TSNARE1: variants seen among roughly 807,000 people sequenced by gnomAD.
TSNARE1 encodes the protein t-SNARE domain-containing protein 1.
In TSNARE1, 49 loss-of-function variants were observed where a neutral mutation model predicts 62.0. That is an observed-to-expected ratio of 0.79 (90% confidence interval 0.63 to 1.00). TSNARE1 has a LOEUF of 1.00. Among genes scored for constraint, TSNARE1 ranks in the 50% least tolerant of loss-of-function variants. The pLI is 0.00. For synonymous variants in TSNARE1, 328 were observed against 294.4 expected (o/e 1.11, Z -1.17); for missense variants, 755 against 700.1 (o/e 1.08, Z -0.88).
intron 4 of TSNARE1, among the ~76,000 whole-genome samples, chr8:142,335,984 A>C (rs1255656110): frequency 6.6e-6 from 1 of 152,174 alleles, no homozygotes; most frequent in Non-Finnish European, 1.5e-5. Context: ...CTCCGATGAG[A>C]GTAAAAGCAA....
intron 12 of TSNARE1, among the ~76,000 whole-genome samples, chr8:142,251,653 G>A (rs1818168293): frequency 6.6e-6 from 1 of 152,114 alleles, no homozygotes; most frequent in East Asian, 1.9e-4. Flanking sequence ...TTCACTGAGT[G>A]CCTCTTGCCA....
At chr8:142,361,139 C>T (rs544778476) in intron 1 of TSNARE1, among the ~76,000 whole-genome samples, 2 of 152,382 alleles carry the variant, frequency 1.3e-5, no homozygotes, top group African/African-American at 4.8e-5. Context: ...AAATGGACAG[C>T]AGTCCCTCCC....
chr8:142,318,119 T>C (rs890444857), intron 7 of TSNARE1, among the ~76,000 whole-genome samples: 2 of 151,674 alleles, frequency 1.3e-5, no homozygotes, highest in Non-Finnish European at 2.9e-5. Context: ...GGCGCCAAGG[T>C]AGGTGAGGGG....
chr8:142,233,028 C>T (rs961376325), intron 12 of TSNARE1, among the ~76,000 whole-genome samples: 1 of 152,210 alleles, frequency 6.6e-6, no homozygotes, highest in African/African-American at 2.4e-5. Flanking sequence ...AGACAGCCAC[C>T]CTGCAGATGA....
At chr8:142,365,021 A>C (rs1020479790) in intron 1 of TSNARE1, among the ~76,000 whole-genome samples, 1 of 152,258 alleles carries the variant, frequency 6.6e-6, no homozygotes, top group Non-Finnish European at 1.5e-5. Context: ...ATAATTGCAA[A>C]GGATCTTCCC....
intron 1 of TSNARE1, among the ~76,000 whole-genome samples, chr8:142,396,693 T>A (rs1276542882): frequency 1.3e-5 from 2 of 152,170 alleles, no homozygotes; most frequent in Non-Finnish European, 2.9e-5. Context: ...CTGATCAGAA[T>A]CCTGGTGAGA....
At chr8:142,280,560 G>A (rs1020576864) in intron 11 of TSNARE1, among the ~76,000 whole-genome samples, 3 of 152,286 alleles carry the variant, frequency 2.0e-5, no homozygotes, top group East Asian at 1.9e-4. Context: ...CCCTGACCAC[G>A]TGTGGTGGGT....
upstream of TSNARE1, chr8:142,403,773 G>A (rs1334229827): frequency 2.6e-5 from 4 of 152,244 alleles, no homozygotes; most frequent in African/African-American, 9.6e-5. Context: ...CTCCCTGGAG[G>A]AGCTGAAGTG....
chr8:142,344,276 C>G lies in TSNARE1; in HGVS notation c.435G>C (p.Gln145His), dbSNP rs781005011. 1.2e-6 allele frequency: 2 copies of G among 1,604,476 alleles called. No individual in the cohort carries two copies. Among genetic ancestry groups the G allele is most frequent in the Admixed American group, 3.4e-5 (2 of 59,488 alleles). Residue 145 changes from glutamine to histidine, a missense_variant, in exon 4 of 14, where the codon CAG (glutamine) becomes CAC (histidine). Physicochemically the swap from Gln to His is conservative, Grantham distance 24 (BLOSUM62 0). Transcript: ENST00000524325. ...TCAGCAGCCCCGTGCCAAACAGCAG[C>G]TGGTGGTGCTTGCTCACCTTGGACA... ...VLVSKVSKHH[Q>H]LLFGTGLLKA...
chr8:142,284,438 CAT>C lies in TSNARE1; in HGVS notation c.1336_1337del (p.Met446GlyfsTer9). On this transcript the variant is annotated frameshift_variant, in exon 11 of 14. Transcript: ENST00000524325. LOFTEE classifies it high-confidence loss of function. ...VNQIIKDLAS[M>X]VSEQGEAVDS... ...CAACAGCTTCTCCTTGCTCTGACACCATGGAGGCCAAGTCCTTGATGATCTGA... is the reference window on the plus strand; with the variant it reads ...CAACAGCTTCTCCTTGCTCTGACACCGGAGGCCAAGTCCTTGATGATCTGA... 2 of 1,613,712 alleles carry C rather than the reference CAT, an allele frequency of 1.2e-6. No individual in the cohort carries two copies. Among genetic ancestry groups the C allele is most frequent in the African/African-American group, 2.7e-5 (2 of 75,044 alleles).
intron 12 of TSNARE1, chr8:142,269,316 T>G (rs1217366477): frequency 2.2e-5 from 10 of 459,006 alleles, no homozygotes; most frequent in African/African-American, 6.4e-5. Context: ...AGGAGCAGGA[T>G]CAGGGCTCAG....
chr8:142,278,694 G>A lies in TSNARE1; in HGVS notation c.1364-3831C>T, dbSNP rs557574671. 89 of 985,446 alleles carry A rather than the reference G, an allele frequency of 9.0e-5. 1 individual carries two copies. In the South Asian group the frequency reaches 3.0e-3, roughly 33 times the overall value. 61.0% of individuals were successfully genotyped at this position (985,446 alleles called of 1,614,324 possible). A position where few individuals can be genotyped will look rare whatever the true frequency, so the allele number is the denominator to read the frequency against. On this transcript the variant is annotated intron_variant, in intron 11 of 13. Transcript: ENST00000524325. ...AGACGAGGCCTGACCAGACAGAAACGCCTGGCTTCCGGTGGTCCCTGGAGT... is the reference window on the plus strand; with the variant it reads ...AGACGAGGCCTGACCAGACAGAAACACCTGGCTTCCGGTGGTCCCTGGAGT...
chr8:142,314,935 A>G (rs1190284240), intron 8 of TSNARE1, 68 bp downstream of exon 8: 9 of 1,450,528 alleles, frequency 6.2e-6, no homozygotes, highest in Non-Finnish European at 7.8e-6. Flanking sequence ...CAGCCATGAC[A>G]GTGCTCCGGG....
At chr8:142,268,661 C>T (rs1819268670) in intron 12 of TSNARE1, among the ~76,000 whole-genome samples, 1 of 152,214 alleles carries the variant, frequency 6.6e-6, no homozygotes, top group Admixed American at 6.5e-5. Context: ...GAAATGTGGG[C>T]ATCTGACTAA....
intron 12 of TSNARE1, chr8:142,271,673 G>C: frequency 7.2e-7 from 1 of 1,389,588 alleles, no homozygotes; most frequent in African/African-American, 1.5e-5. Context: ...GCAGCTGGGG[G>C]TCTCGTCCTC....
intron 13 of TSNARE1, among the ~76,000 whole-genome samples, chr8:142,225,669 C>T (rs1292888136): frequency 6.6e-6 from 1 of 152,224 alleles, no homozygotes. Flanking sequence ...AGGCCCATCT[C>T]CTCTGCAGTC....
intron 12 of TSNARE1, among the ~76,000 whole-genome samples, chr8:142,260,050 C>A (rs1408390168): frequency 6.6e-6 from 1 of 151,850 alleles, no homozygotes; most frequent in East Asian, 2.0e-4. Context: ...CTGCTTGGGC[C>A]TGGCTTCCAG....
chr8:142,297,915 G>A (rs1031994016), intron 10 of TSNARE1, among the ~76,000 whole-genome samples: 1 of 152,096 alleles, frequency 6.6e-6, no homozygotes, highest in Admixed American at 6.5e-5. Context: ...CCTCCGTCCC[G>A]CGCCTGCTGT....
chr8:142,359,563 C>T (rs534436625), intron 1 of TSNARE1, among the ~76,000 whole-genome samples: 26 of 152,340 alleles, frequency 1.7e-4, no homozygotes, highest in Non-Finnish European at 2.8e-4. Flanking sequence ...GGATGCCACA[C>T]AAGTCCATGA....
Sources: gnomAD v4.1 joint callset for allele counts (sites outside exome capture counted in the v4.1 genomes callset) on GRCh38, gnomAD v4.1.1 for gene constraint, MANE v1.5 for transcripts, NCBI Gene and HGNC (gene_info 2026-07-23, HGNC 2026-07-21) for gene names.